RHBDD1: variants seen among roughly 807,000 people sequenced by gnomAD.
The protein encoded by RHBDD1 is rhomboid domain containing 1, also known as rhomboid-related protein 4.
A neutral mutation model predicts 36.3 loss-of-function variants in RHBDD1; 38 were observed. That is an observed-to-expected ratio of 1.05 (90% confidence interval 0.81 to 1.37). The LOEUF (loss-of-function observed/expected upper bound fraction) is 1.37, where lower values mean the gene tolerates loss of function less well. Ranked by LOEUF, RHBDD1 falls within the 40% of genes most tolerant of loss-of-function variation. RHBDD1 has a pLI of 0.00. For missense variants in RHBDD1, 393 were observed against 377.6 expected, an observed-to-expected ratio of 1.04 and a Z score of -0.34; for synonymous variants, 151 against 136.5, an observed-to-expected ratio of 1.11 and a Z score of -0.74.
chr2:226,938,179 T>G (rs1422648144), intron 8 of RHBDD1, among the ~76,000 whole-genome samples: 1 of 152,256 alleles, frequency 6.6e-6, no homozygotes, highest in Non-Finnish European at 1.5e-5. Flanking sequence ...TTTGCATTTA[T>G]CTAATGATCA....
chr2:226,941,140 G>C (rs567908669), intron 8 of RHBDD1, among the ~76,000 whole-genome samples: 1 of 151,974 alleles, frequency 6.6e-6, no homozygotes, highest in Non-Finnish European at 1.5e-5. Flanking sequence ...TTGTTTGTTT[G>C]TTTGTTTTTA....
intron 5 of RHBDD1, among the ~76,000 whole-genome samples, chr2:226,901,758 A>G (rs1947615781): frequency 6.6e-6 from 1 of 152,264 alleles, no homozygotes; most frequent in South Asian, 2.1e-4. Context: ...ACTAATATCC[A>G]AAATATGTAA....
Position 226,997,641 on chromosome 2 carries a change from A to G in RHBDD1, c.*2119A>G, listed in dbSNP as rs115641100. On this transcript the variant is annotated 3_prime_UTR_variant, in exon 9 of 9. Transcript: ENST00000392062. ...AGTATTTTATTTTTTATTTTTTTATATCACTTGAGTCCACTAGTAGTACTT... is the reference window on the plus strand; with the variant it reads ...AGTATTTTATTTTTTATTTTTTTATGTCACTTGAGTCCACTAGTAGTACTT... 352 of 152,256 alleles carry G rather than the reference A, an allele frequency of 2.3e-3. 2 individuals carry two copies. Among genetic ancestry groups the G allele is most frequent in the African/African-American group, 7.9e-3 (329 of 41,538 alleles). 9.4% of individuals were successfully genotyped at this position (152,256 alleles called of 1,614,324 possible).
At chr2:226,928,170 T>G (rs946811356) in intron 8 of RHBDD1, among the ~76,000 whole-genome samples, 3 of 152,094 alleles carry the variant, frequency 2.0e-5, no homozygotes, top group Admixed American at 1.3e-4. Flanking sequence ...TTCCAAATAT[T>G]TCAGCACCAT....
In RHBDD1 at chr2:226,902,507, T is replaced by C. The variant is rs192694130; in HGVS notation, c.567-4286T>C. On this transcript the variant is annotated intron_variant, in intron 5 of 8. Coordinates refer to ENST00000392062, the MANE Select transcript of RHBDD1 (RefSeq NM_001167608.3). Reference sequence around the variant, plus strand: ...GTATCTCTTAGAGGGTGAAGGGAAGTGATTTGTCAAATGGTTACCAAGGGC... The same window carrying C: ...GTATCTCTTAGAGGGTGAAGGGAAGCGATTTGTCAAATGGTTACCAAGGGC... 2.1e-3 allele frequency among the ~76,000 whole-genome samples: 315 copies of C among 152,298 alleles called. 4 individuals are homozygous for C. Among genetic ancestry groups the C allele is most frequent in the African/African-American group, 7.3e-3 (302 of 41,564 alleles).
chr2:226,914,647 TA>T (rs563014114), intron 8 of RHBDD1: 9 of 172,558 alleles, frequency 5.2e-5, no homozygotes, highest in African/African-American at 9.5e-5. Context: ...AGATGCATGA[TA>T]AAAAAAAGAG....
At chr2:226,805,953 C>T in the RHBDD1 span, among the ~76,000 whole-genome samples, 1 of 152,178 alleles carries the variant, frequency 6.6e-6, no homozygotes, top group Admixed American at 6.5e-5. Flanking sequence ...TCCGTGCTCT[C>T]TATTCACTTG....
rs549145137 is a variant in RHBDD1, at chr2:226,984,458, G to A, written c.857-10973G>A. The stretch of plus-strand genomic sequence containing the variant: ...CTGATAAGTTTACCAATGCCATCAC[G>A]GGGGCTCCACCCTCATGTCCTCATG... On this transcript the variant is annotated intron_variant, in intron 8 of 8. Transcript: ENST00000392062. Among the ~76,000 whole-genome samples the A allele has an allele frequency of 3.3e-5, 5 of 152,112 alleles. 1 individual carries two copies. The highest frequency in any genetic ancestry group is 3.9e-4 in the East Asian group (2 of 5,190).
chr2:226,936,425 A>AGG (rs1162969101), intron 8 of RHBDD1, among the ~76,000 whole-genome samples: 1 of 152,134 alleles, frequency 6.6e-6, no homozygotes, highest in Admixed American at 6.6e-5. Context: ...AAAAAGAGAG[A>AGG]GAGAGATACA....
At chr2:226,807,770 T>C in the RHBDD1 span, 24,799 of 152,144 alleles carry the variant, frequency 0.16, 2,971 homozygotes, top group African/African-American at 0.34. Flanking sequence ...CACTGGATGG[T>C]ATATAATACA....
upstream of RHBDD1, among the ~76,000 whole-genome samples, chr2:226,830,823 C>T (rs892178863): frequency 6.6e-6 from 1 of 152,128 alleles, no homozygotes; most frequent in Admixed American, 6.5e-5. Context: ...CAGGTGTGTG[C>T]CACTGTGCCT....
chr2:226,968,556 C>G (rs2149311318), intron 8 of RHBDD1, among the ~76,000 whole-genome samples: 1 of 152,298 alleles, frequency 6.6e-6, no homozygotes, highest in East Asian at 1.9e-4. Context: ...CACAGCAGCA[C>G]CCTGATTAGT....
intron 3 of RHBDD1, among the ~76,000 whole-genome samples, chr2:226,842,909 C>T (rs1049575575): frequency 6.6e-6 from 1 of 152,190 alleles, no homozygotes; most frequent in African/African-American, 2.4e-5. Flanking sequence ...TGTTCATGAG[C>T]ATGGAATGTT....
At chr2:226,981,664 G>C (rs1028699402) in intron 8 of RHBDD1, among the ~76,000 whole-genome samples, 2 of 152,124 alleles carry the variant, frequency 1.3e-5, no homozygotes, top group Admixed American at 1.3e-4. Context: ...CACACAAAAA[G>C]TGGTTAATTA....
chr2:226,906,326 T>C (rs759764653), intron 5 of RHBDD1, among the ~76,000 whole-genome samples: 26 of 152,352 alleles, frequency 1.7e-4, no homozygotes, highest in Admixed American at 3.3e-4. Flanking sequence ...TCACTTGCTC[T>C]CTGCTTCACT....
intron 8 of RHBDD1, chr2:226,969,005 T>C (rs940314712): frequency 4.9e-6 from 1 of 202,728 alleles, no homozygotes; most frequent in African/African-American, 2.3e-5. Flanking sequence ...GTCCAAGGTA[T>C]GGACCAGTCA....
At chr2:226,972,944 A>C (rs981089134) in intron 8 of RHBDD1, among the ~76,000 whole-genome samples, 2 of 151,638 alleles carry the variant, frequency 1.3e-5, no homozygotes, top group African/African-American at 4.8e-5. Context: ...AAAAAAAAAA[A>C]ACAAAAAACC....
At chr2:226,977,689 T>C (rs918795467) in intron 8 of RHBDD1, among the ~76,000 whole-genome samples, 2 of 152,194 alleles carry the variant, frequency 1.3e-5, no homozygotes, top group Non-Finnish European at 2.9e-5. Context: ...CCCCAAATTA[T>C]ATAAAGAGCA....
At chr2:226,988,314 C>G in intron 8 of RHBDD1, 1 of 1,546,758 alleles carries the variant, frequency 6.5e-7, no homozygotes, top group Admixed American at 2.0e-5. Flanking sequence ...CCACTGTGCC[C>G]CACCTGAACA....
Sources: gnomAD v4.1 joint callset for allele counts (sites outside exome capture counted in the v4.1 genomes callset) on GRCh38, gnomAD v4.1.1 for gene constraint, MANE v1.5 for transcripts, NCBI Gene and HGNC (gene_info 2026-07-23, HGNC 2026-07-21) for gene names.